The following ZNRF2 variants were observed in gnomAD, a reference collection of about 807,000 sequenced individuals.
ZNRF2 encodes zinc and ring finger 2, also known as E3 ubiquitin-protein ligase ZNRF2.
ZNRF2 carries 16 observed loss-of-function variants against 20.4 expected under a neutral mutation model. The observed-to-expected ratio is 0.79, with a 90% confidence interval of 0.53 to 1.19. The LOEUF (loss-of-function observed/expected upper bound fraction) is 1.19, where lower values mean the gene tolerates loss of function less well. ZNRF2 is among the 50% of genes most tolerant of loss of function. ZNRF2 has a pLI of 0.00. For missense variants in ZNRF2, 363 were observed against 332.4 expected, an observed-to-expected ratio of 1.09 and a Z score of -0.72; for synonymous variants, 178 against 144.9, an observed-to-expected ratio of 1.23 and a Z score of -1.64.
intron 2 of ZNRF2, among the ~76,000 whole-genome samples, chr7:30,343,466 C>T (rs548169095): frequency 6.6e-6 from 1 of 151,968 alleles, no homozygotes; most frequent in Non-Finnish European, 1.5e-5. Flanking sequence ...TGCTACTACT[C>T]ATGTTTCTGT....
At chr7:30,286,778 G>T (rs1562600637) in intron 1 of ZNRF2, among the ~76,000 whole-genome samples, 1 of 152,146 alleles carries the variant, frequency 6.6e-6, no homozygotes, top group East Asian at 1.9e-4. Context: ...TAGAAGATAA[G>T]CATTCCCATT....
intron 1 of ZNRF2, among the ~76,000 whole-genome samples, chr7:30,295,004 AGGGAGGGAAG>A (rs372895870): frequency 7.3e-6 from 1 of 136,594 alleles, no homozygotes. Context: ...AGAGAGAGAG[AGGGAGGGAAG>A]GAGAGAGAGA....
chr7:30,362,999 T>C (rs1175136022), intron 4 of ZNRF2, among the ~76,000 whole-genome samples: 2 of 152,178 alleles, frequency 1.3e-5, no homozygotes, highest in Non-Finnish European at 2.9e-5. Flanking sequence ...CGGGTGCCTG[T>C]AGTCCCAGCT....
intron 1 of ZNRF2, among the ~76,000 whole-genome samples, chr7:30,289,353 T>G (rs1172145321): frequency 6.6e-5 from 10 of 152,222 alleles, no homozygotes; most frequent in Non-Finnish European, 1.3e-4. Flanking sequence ...AGTTTTATGG[T>G]GTTAGGTTAT....
intron 2 of ZNRF2, among the ~76,000 whole-genome samples, chr7:30,338,276 A>ATT (rs535216493): frequency 7.3e-6 from 1 of 137,286 alleles, no homozygotes; most frequent in Non-Finnish European, 1.6e-5. Flanking sequence ...TGCTGTGCCC[A>ATT]TTTTTTTTTT....
chr7:30,338,470 C>T (rs1469855311), intron 2 of ZNRF2, among the ~76,000 whole-genome samples: 1 of 147,624 alleles, frequency 6.8e-6, no homozygotes, highest in African/African-American at 2.5e-5. Context: ...ATTCCCCTCC[C>T]TGTGTCCATG....
At chr7:30,365,687 T>C (rs1376564431) in intron 4 of ZNRF2, among the ~76,000 whole-genome samples, 2 of 152,226 alleles carry the variant, frequency 1.3e-5, no homozygotes, top group East Asian at 1.9e-4. Flanking sequence ...ACGTTTCTGA[T>C]ATCCTTCAGC....
At chr7:30,326,393 T>G (rs1375069374) in intron 2 of ZNRF2, among the ~76,000 whole-genome samples, 2 of 152,210 alleles carry the variant, frequency 1.3e-5, no homozygotes, top group Non-Finnish European at 2.9e-5. Context: ...CGGAATTTGC[T>G]TTTCTGTTCC....
intron 2 of ZNRF2, among the ~76,000 whole-genome samples, chr7:30,328,602 TA>T (rs769055893): frequency 3.4e-4 from 52 of 152,322 alleles, no homozygotes; most frequent in Admixed American, 7.2e-4. Context: ...GAAATTCAAA[TA>T]TAAGTTGATG....
At chr7:30,347,203 T>A (rs1184685888) in intron 2 of ZNRF2, among the ~76,000 whole-genome samples, 1 of 152,198 alleles carries the variant, frequency 6.6e-6, no homozygotes, top group Non-Finnish European at 1.5e-5. Context: ...AATCTCTCAT[T>A]ACCTATGTCG....
chr7:30,315,814 T>C (rs892684893), intron 1 of ZNRF2, among the ~76,000 whole-genome samples: 1 of 149,980 alleles, frequency 6.7e-6, no homozygotes, highest in African/African-American at 2.4e-5. Flanking sequence ...TACAGCATAC[T>C]GATATCTAAC....
intron 4 of ZNRF2, among the ~76,000 whole-genome samples, chr7:30,362,962 C>CA (rs770316980): frequency 2.1e-3 from 317 of 151,152 alleles, no homozygotes; most frequent in Non-Finnish European, 3.4e-3. Flanking sequence ...ACTGAAAATA[C>CA]AAAAAAAAAT....
At chr7:30,345,334 T>C (rs1057168886) in intron 2 of ZNRF2, among the ~76,000 whole-genome samples, 4 of 152,076 alleles carry the variant, frequency 2.6e-5, no homozygotes, top group African/African-American at 4.8e-5. Context: ...AGCTTTTTTT[T>C]CCCCTTCCCT....
At chr7:30,345,704 T>G (rs1799865757) in intron 2 of ZNRF2, among the ~76,000 whole-genome samples, 1 of 152,138 alleles carries the variant, frequency 6.6e-6, no homozygotes, top group Admixed American at 6.5e-5. Context: ...TTTTATTCTG[T>G]CAGAATGAGG....
intron 2 of ZNRF2, among the ~76,000 whole-genome samples, chr7:30,331,671 G>C (rs1021847666): frequency 2.6e-5 from 4 of 152,270 alleles, no homozygotes; most frequent in Admixed American, 2.6e-4. Flanking sequence ...TTATAGAATT[G>C]CTGAAAGCTA....
intron 2 of ZNRF2, among the ~76,000 whole-genome samples, chr7:30,352,312 A>G (rs953029358): frequency 2.0e-5 from 3 of 152,024 alleles, no homozygotes; most frequent in African/African-American, 7.2e-5. Context: ...CAGAATCTCC[A>G]GGGGTGGGAC....
At position 30,343,560 on chromosome 7, in the gene ZNRF2, G is replaced by GC. The variant is rs1477449643; in HGVS notation, c.566-12167dup. 2.6e-5 allele frequency among the ~76,000 whole-genome samples: 4 copies of GC among 151,946 alleles called. No homozygotes were observed. In the East Asian group the frequency reaches 7.7e-4, roughly 29 times the overall value. On this transcript the variant is annotated intron_variant, in intron 2 of 4. Coordinates refer to ENST00000323037, the MANE Select transcript of ZNRF2 (RefSeq NM_147128.4). ...TAAACATAACTATTATAACTTGGGT[G>GC]CAAATTGCATTTTTTAATATTATAA...
intron 1 of ZNRF2, among the ~76,000 whole-genome samples, chr7:30,306,583 T>C (rs887790347): frequency 6.6e-6 from 1 of 152,132 alleles, no homozygotes; most frequent in Non-Finnish European, 1.5e-5. Flanking sequence ...ACTGAAATAC[T>C]AAACCACTGC....
chr7:30,322,908 A>T (rs1799495886), intron 1 of ZNRF2, among the ~76,000 whole-genome samples: 4 of 152,296 alleles, frequency 2.6e-5, no homozygotes, highest in Admixed American at 2.0e-4. Flanking sequence ...GAATACATCA[A>T]ATAGTCCCTA....
Sources: gnomAD v4.1 joint callset for allele counts (sites outside exome capture counted in the v4.1 genomes callset) on GRCh38, gnomAD v4.1.1 for gene constraint, MANE v1.5 for transcripts, NCBI Gene and HGNC (gene_info 2026-07-23, HGNC 2026-07-21) for gene names.